Variants in LHPP observed in about 807,000 individuals in gnomAD.
LHPP encodes the protein phospholysine phosphohistidine inorganic pyrophosphate phosphatase.
A neutral mutation model predicts 30.3 loss-of-function variants in LHPP; 24 were observed. That is an observed-to-expected ratio of 0.79 (90% confidence interval 0.57 to 1.11). The LOEUF is 1.11. LHPP is among the 50% of genes most tolerant of loss of function. LHPP has a pLI of 0.00. For synonymous variants in LHPP, 150 were observed against 157.1 expected, an observed-to-expected ratio of 0.95 and a Z score of 0.34; for missense variants, 356 against 367.2, an observed-to-expected ratio of 0.97 and a Z score of 0.25.
At chr10:124,557,186 T>A (rs910770301) in intron 6 of LHPP, among the ~76,000 whole-genome samples, 1 of 152,234 alleles carries the variant, frequency 6.6e-6, no homozygotes, top group African/African-American at 2.4e-5. Context: ...CATCAGAGAC[T>A]TCACTTTCTG....
rs754259988 is a variant in LHPP at position 124,484,360 on chromosome 10, T to G, written c.313+34T>G. The stretch of plus-strand genomic sequence containing the variant: ...GTCGGACACCAGGACCTCACGGGGG[T>G]GAAAGCTCCCCTTTCCCAGGGTGGG... On this transcript the variant is annotated intron_variant, in intron 2 of 6. Coordinates refer to ENST00000368842, the MANE Select transcript of LHPP (RefSeq NM_022126.4). 23 of 1,586,958 alleles carry G rather than the reference T, an allele frequency of 1.4e-5. 1 individual carries two copies. The East Asian group carries it at 1.6e-4, about 11-fold the overall frequency.
At chr10:124,573,492 G>A (rs1386600321) in intron 6 of LHPP, among the ~76,000 whole-genome samples, 1 of 152,074 alleles carries the variant, frequency 6.6e-6, no homozygotes, top group Admixed American at 6.5e-5. Flanking sequence ...TTTATTTTTT[G>A]TAGAGACAGG....
chr10:124,536,525 T>C (rs979938836), intron 6 of LHPP, among the ~76,000 whole-genome samples: 1 of 152,190 alleles, frequency 6.6e-6, no homozygotes, highest in Admixed American at 6.5e-5. Flanking sequence ...GCCAAGGCTT[T>C]GGGCTCCAGG....
chr10:124,584,540 C>T (rs745610096), intron 6 of LHPP, among the ~76,000 whole-genome samples: 7 of 151,992 alleles, frequency 4.6e-5, no homozygotes, highest in African/African-American at 1.5e-4. Flanking sequence ...GAAACAGGGA[C>T]GAACAGTGTT....
intron 6 of LHPP, among the ~76,000 whole-genome samples, chr10:124,597,933 C>T (rs557429994): frequency 4.6e-5 from 7 of 152,338 alleles, no homozygotes; most frequent in South Asian, 2.1e-4. Flanking sequence ...CGCCCAGGCC[C>T]GTCCCTCTGC....
At chr10:124,600,448 C>T (rs1468090193) in intron 6 of LHPP, among the ~76,000 whole-genome samples, 1 of 152,242 alleles carries the variant, frequency 6.6e-6, no homozygotes, top group African/African-American at 2.4e-5. Flanking sequence ...GGGTGTTGGC[C>T]TGGGTGGGGT....
In LHPP at chr10:124,480,301, G is replaced by A. The variant is rs139648203; in HGVS notation, c.126-3838G>A. ...ATCCGATTTTTCAGGGATAGATTTC[G>A]TCTCTAAAACTAGCACTTGATATTA... On this transcript the variant is annotated intron_variant, in intron 1 of 6. Transcript: ENST00000368842. Among the ~76,000 whole-genome samples, 188 of 152,212 alleles carry A rather than the reference G, an allele frequency of 1.2e-3. 4 individuals are homozygous for A. In the East Asian group the frequency reaches 0.024, roughly 19 times the overall value.
chr10:124,515,894 G>T (rs1270510861), intron 5 of LHPP, among the ~76,000 whole-genome samples: 1 of 152,200 alleles, frequency 6.6e-6, no homozygotes, highest in African/African-American at 2.4e-5. Context: ...TCCCTCACGT[G>T]TGCTGGCAGT....
At chr10:124,471,063 A>G (rs1037949755) in intron 1 of LHPP, among the ~76,000 whole-genome samples, 1 of 152,138 alleles carries the variant, frequency 6.6e-6, no homozygotes, top group Non-Finnish European at 1.5e-5. Flanking sequence ...GTGAATATAC[A>G]GAGTGAAAAG....
At chr10:124,463,221 C>CT (rs35305882) in intron 1 of LHPP, among the ~76,000 whole-genome samples, 26 of 151,520 alleles carry the variant, frequency 1.7e-4, no homozygotes, top group South Asian at 1.3e-3. Context: ...TTAAGTATAC[C>CT]TTTTTTTTTT....
intron 6 of LHPP, among the ~76,000 whole-genome samples, chr10:124,581,380 T>C (rs960120930): frequency 2.0e-5 from 3 of 152,342 alleles, no homozygotes; most frequent in African/African-American, 7.2e-5. Context: ...CAAGTTTTTG[T>C]GTGGACATAG....
chr10:124,529,811 A>ACG (rs1042058297), intron 6 of LHPP, among the ~76,000 whole-genome samples: 1,918 of 97,160 alleles, frequency 0.02, 23 homozygotes, highest in South Asian at 0.049. Flanking sequence ...ACACACACAC[A>ACG]CGCACACACA....
chr10:124,511,576 C>T (rs7096773), intron 5 of LHPP, among the ~76,000 whole-genome samples: 18,746 of 152,142 alleles, frequency 0.12, 1,456 homozygotes, highest in South Asian at 0.31. Context: ...TCTCTCTCAG[C>T]ACCACCATCC....
intron 1 of LHPP, among the ~76,000 whole-genome samples, chr10:124,476,974 G>T (rs1195011460): frequency 6.6e-6 from 1 of 152,232 alleles, no homozygotes; most frequent in African/African-American, 2.4e-5. Context: ...TTGGGAGGCT[G>T]AGACTGGCGG....
Position 124,584,872 on chromosome 10 carries a change from G to T in LHPP, c.717-28392G>T, listed in dbSNP as rs1176391433. 2.0e-5 allele frequency among the ~76,000 whole-genome samples: 3 copies of T among 149,070 alleles called. No individual in the cohort carries two copies. In the East Asian group the frequency reaches 5.9e-4, roughly 30 times the overall value. On this transcript the variant is annotated intron_variant, in intron 6 of 6. Transcript: ENST00000368842. ...AAACTTTCTGAGCACTAACATGACA[G>T]CAACAGTGGAAAATTCCACCCCTGT...
chr10:124,594,299 C>T lies in LHPP; in HGVS notation c.717-18965C>T, dbSNP rs145558233. ...GAGCCAAGATCATGCCATTGCACTC[C>T]AGCCTGGGCGGCAGAGTGAGACTCC... On this transcript the variant is annotated intron_variant, in intron 6 of 6. Transcript: ENST00000368842. 8.7e-3 allele frequency among the ~76,000 whole-genome samples: 1,124 copies of T among 129,814 alleles called. 20 individuals are homozygous for T. Among genetic ancestry groups the T allele is most frequent in the African/African-American group, 0.03 (1,063 of 35,254 alleles). The allele number at this position is 129,814 out of a possible 152,430, so 85.2% of individuals were successfully genotyped here.
At chr10:124,507,155 G>A (rs1457847997) in intron 5 of LHPP, among the ~76,000 whole-genome samples, 1 of 92,794 alleles carries the variant, frequency 1.1e-5, no homozygotes, top group Non-Finnish European at 2.2e-5. Context: ...AGGATTTCAG[G>A]TGGGAGGGTA....
In LHPP at chr10:124,610,923, CGGGCGA is replaced by C. The variant is rs879150543; in HGVS notation, c.717-2337_717-2332del. 9.0e-4 allele frequency among the ~76,000 whole-genome samples: 53 copies of C among 58,756 alleles called. 4 individuals carry two copies. The highest frequency in any genetic ancestry group is 1.5e-3 in the East Asian group (2 of 1,360). 38.5% of individuals were successfully genotyped at this position (58,756 alleles called of 152,430 possible). A position where few individuals can be genotyped will look rare whatever the true frequency, so the allele number is the denominator to read the frequency against. On this transcript the variant is annotated intron_variant, in intron 6 of 6. Coordinates refer to ENST00000368842, the MANE Select transcript of LHPP (RefSeq NM_022126.4). ...GGTGAGGGTGAGGGTGCTGATGGAG[CGGGCGA>C]GGGTGAGGGTGAGGGTGCTGATGGA...
intron 1 of LHPP, among the ~76,000 whole-genome samples, chr10:124,475,271 G>T (rs1952907922): frequency 6.6e-6 from 1 of 151,258 alleles, no homozygotes; most frequent in African/African-American, 2.4e-5. Flanking sequence ...CTGACCTCAA[G>T]TGACCCACCC....
Sources: allele counts gnomAD v4.1 joint callset (sites outside exome capture counted in the v4.1 genomes callset), GRCh38; gene constraint gnomAD v4.1.1; transcripts MANE v1.5; gene names NCBI Gene and HGNC (gene_info 2026-07-23, HGNC 2026-07-21).